FCHSD2: variants seen among roughly 807,000 people sequenced by gnomAD.
FCHSD2 encodes F-BAR and double SH3 domains protein 2.
In FCHSD2, 38 loss-of-function variants were observed where a neutral mutation model predicts 108.1. That is an observed-to-expected ratio of 0.35 (90% CI 0.27 to 0.46). The LOEUF is 0.46. Among genes scored for constraint, FCHSD2 ranks in the 20% least tolerant of loss-of-function variants. FCHSD2 has a pLI of 1.00. For missense variants in FCHSD2, 751 were observed against 897.8 expected (o/e 0.84, Z 2.09); for synonymous variants, 279 against 314.7 (o/e 0.89, Z 1.20).
chr11:72,976,095 T>C (rs1419020865), intron 8 of FCHSD2, among the ~76,000 whole-genome samples: 2 of 152,210 alleles, frequency 1.3e-5, no homozygotes, highest in Non-Finnish European at 2.9e-5. Flanking sequence ...ATCAGTTATC[T>C]GATTTCCAGG....
chr11:73,033,067 T>A (rs937510327), intron 3 of FCHSD2, among the ~76,000 whole-genome samples: 1 of 151,958 alleles, frequency 6.6e-6, no homozygotes, highest in East Asian at 1.9e-4. Context: ...GGCATGCGGA[T>A]CATGAGGTCA....
intron 10 of FCHSD2, among the ~76,000 whole-genome samples, chr11:72,901,927 T>G (rs1591382031): frequency 6.6e-6 from 1 of 152,088 alleles, no homozygotes; most frequent in Non-Finnish European, 1.5e-5. Flanking sequence ...CAGGCTGGAG[T>G]GCAGTGGTGT....
intron 12 of FCHSD2, among the ~76,000 whole-genome samples, chr11:72,871,751 T>C (rs1453604547): frequency 1.3e-5 from 1 of 78,062 alleles, no homozygotes; most frequent in Non-Finnish European, 2.4e-5. Context: ...CTTTGGTACA[T>C]AATTTTTTTT....
At chr11:73,069,302 C>A (rs1859375621) in intron 3 of FCHSD2, among the ~76,000 whole-genome samples, 2 of 121,116 alleles carry the variant, frequency 1.7e-5, no homozygotes, top group Admixed American at 9.0e-5. Flanking sequence ...CAGAGCAAAA[C>A]TCTGTCTCAA....
intron 3 of FCHSD2, among the ~76,000 whole-genome samples, chr11:73,043,831 T>C (rs1299842938): frequency 6.6e-6 from 1 of 152,146 alleles, no homozygotes; most frequent in African/African-American, 2.4e-5. Context: ...AGAGGATCCA[T>C]TGAGGACTTG....
Position 72,990,698 on chromosome 11 carries a change from C to T in FCHSD2, c.388-1601G>A. ...ACAACATACCAGAATCTCTGGGACA[C>T]ATTCAAAGCAGTGTGTACAGGGAAA... is the stretch of plus-strand genomic sequence containing the variant. On this transcript the variant is annotated intron_variant, in intron 5 of 19. Transcript: ENST00000409418. Among the ~76,000 whole-genome samples, 2 of 152,216 alleles carry T rather than the reference C, an allele frequency of 1.3e-5. 1 individual carries two copies. The highest frequency in any genetic ancestry group is 2.9e-5 in the Non-Finnish European group (2 of 68,036).
rs1218980057 is a variant in FCHSD2, at chr11:73,084,526, G to A, written c.120-786C>T. 2.6e-5 allele frequency among the ~76,000 whole-genome samples: 4 copies of A among 152,256 alleles called. No individual in the cohort carries two copies. In the East Asian group the frequency reaches 7.7e-4, roughly 29 times the overall value. ...CCACCTCAGCCTCCTAAGTAGCTGG[G>A]ACTACAGGTGCACACCACCACATCT... On this transcript the variant is annotated intron_variant, in intron 2 of 19. Transcript: ENST00000409418.
chr11:73,077,087 G>A, intron 3 of FCHSD2, among the ~76,000 whole-genome samples: 2 of 123,998 alleles, frequency 1.6e-5, no homozygotes, highest in South Asian at 2.6e-4. Flanking sequence ...TCCAGCCTGA[G>A]ACTCTGTCTC....
At chr11:73,134,243 G>A (rs1334499812) in intron 2 of FCHSD2, among the ~76,000 whole-genome samples, 1 of 152,088 alleles carries the variant, frequency 6.6e-6, no homozygotes, top group Non-Finnish European at 1.5e-5. Flanking sequence ...GGTCAAGGTG[G>A]GAGGATCACT....
At chr11:72,926,424 G>A (rs1217156366) in intron 8 of FCHSD2, among the ~76,000 whole-genome samples, 1 of 152,092 alleles carries the variant, frequency 6.6e-6, no homozygotes, top group Non-Finnish European at 1.5e-5. Context: ...CTAATAGCTG[G>A]AGACGATGGG....
intron 9 of FCHSD2, among the ~76,000 whole-genome samples, chr11:72,907,269 T>A (rs1855649168): frequency 6.6e-6 from 1 of 152,208 alleles, no homozygotes; most frequent in South Asian, 2.1e-4. Flanking sequence ...TACAATCATG[T>A]CATCTGCAAA....
At chr11:72,938,571 A>G (rs1344975791) in intron 8 of FCHSD2, among the ~76,000 whole-genome samples, 3 of 152,116 alleles carry the variant, frequency 2.0e-5, no homozygotes, top group African/African-American at 7.2e-5. Context: ...TCCTGACTGA[A>G]TGAGGGGTGA....
chr11:72,838,641 G>A lies in FCHSD2; in HGVS notation c.*150C>T, dbSNP rs1860806440. 2 of 623,864 alleles carry A rather than the reference G, an allele frequency of 3.2e-6. No homozygotes were observed. Among genetic ancestry groups the A allele is most frequent in the Non-Finnish European group, 5.7e-6 (2 of 352,324 alleles). 38.6% of individuals were successfully genotyped at this position (623,864 alleles called of 1,614,324 possible). ...GCACGAAATATTCAAAACGTGGGAG[G>A]AGTCTACCAGGCCACCCAGTCACAC... On this transcript the variant is annotated 3_prime_UTR_variant, in exon 20 of 20. Coordinates refer to ENST00000409418, the MANE Select transcript of FCHSD2 (RefSeq NM_014824.3).
intron 8 of FCHSD2, chr11:72,940,717 C>A (rs1856399601): frequency 2.1e-6 from 2 of 964,810 alleles, no homozygotes; most frequent in East Asian, 4.8e-5. Flanking sequence ...CAGAAAACGC[C>A]CAGTTCCTAA....
chr11:73,107,056 T>C (rs1158468967), intron 2 of FCHSD2, among the ~76,000 whole-genome samples: 1 of 152,108 alleles, frequency 6.6e-6, no homozygotes, highest in Non-Finnish European at 1.5e-5. Flanking sequence ...TATATATTTT[T>C]AAATGGAGTC....
chr11:73,124,266 G>T (rs1451359701), intron 2 of FCHSD2, among the ~76,000 whole-genome samples: 1 of 152,104 alleles, frequency 6.6e-6, no homozygotes, highest in East Asian at 1.9e-4. Context: ...ATTGTGGGAT[G>T]GGGGGACGGG....
chr11:73,098,831 T>C (rs921156874), intron 2 of FCHSD2, among the ~76,000 whole-genome samples: 2 of 152,160 alleles, frequency 1.3e-5, no homozygotes, highest in Non-Finnish European at 2.9e-5. Flanking sequence ...ACAGGGGCAA[T>C]TCTTCATGAC....
At chr11:73,102,980 A>T (rs192793408) in intron 2 of FCHSD2, among the ~76,000 whole-genome samples, 1 of 152,328 alleles carries the variant, frequency 6.6e-6, no homozygotes, top group East Asian at 1.9e-4. Flanking sequence ...TAAAAAAGCA[A>T]ATTACACTAT....
At chr11:72,920,226 T>C (rs572850025) in intron 9 of FCHSD2, among the ~76,000 whole-genome samples, 1 of 152,218 alleles carries the variant, frequency 6.6e-6, no homozygotes, top group Non-Finnish European at 1.5e-5. Flanking sequence ...GACTGGCAAG[T>C]CTGGTCAAAA....
Sources: gnomAD v4.1 joint callset for allele counts (sites outside exome capture counted in the v4.1 genomes callset) on GRCh38, gnomAD v4.1.1 for gene constraint, MANE v1.5 for transcripts, NCBI Gene and HGNC (gene_info 2026-07-23, HGNC 2026-07-21) for gene names.